The following TVP23C variants were observed in gnomAD, a reference collection of about 807,000 sequenced individuals.
TVP23C encodes trans-golgi network vesicle protein 23 homolog C.
Under a neutral mutation model 28.7 loss-of-function variants are expected in TVP23C, and 19 were observed. The observed-to-expected ratio is 0.66, with a 90% CI of 0.46 to 0.97. The LOEUF is 0.97. Ranked by LOEUF, TVP23C falls within the 50% of genes least tolerant of loss-of-function variation. The pLI is 0.00. For missense variants in TVP23C, 186 were observed against 241.3 expected (o/e 0.77, Z 1.52); for synonymous variants, 68 against 81.7 (o/e 0.83, Z 0.90).
intron 5 of TVP23C, among the ~76,000 whole-genome samples, chr17:15,511,508 C>G (rs1359289231): frequency 6.6e-6 from 1 of 152,180 alleles, no homozygotes; most frequent in Non-Finnish European, 1.5e-5. Flanking sequence ...GAATTTGAAT[C>G]ATTAAGAAAT....
chr17:15,544,117 C>A (rs1248123681), intron 5 of TVP23C, among the ~76,000 whole-genome samples: 1 of 151,318 alleles, frequency 6.6e-6, no homozygotes, highest in Non-Finnish European at 1.5e-5. Context: ...GTTAAGTAAG[C>A]CTGGCCTCAG....
chr17:15,545,964 A>C lies in TVP23C; in HGVS notation c.331-48T>G, dbSNP rs763713248. On this transcript the variant is annotated intron_variant, in intron 4 of 5. Transcript: ENST00000518321. ...TTATCATGTTGTGAAATTTATCAAT[A>C]AAAAGTTCAACATATTTAATAAAAA... 3 of 1,586,242 alleles carry C rather than the reference A, an allele frequency of 1.9e-6. No homozygotes were observed. The South Asian group carries it at 3.4e-5, about 18-fold the overall frequency.
At chr17:15,542,770 C>G (rs1447690736) in intron 5 of TVP23C, among the ~76,000 whole-genome samples, 3 of 152,276 alleles carry the variant, frequency 2.0e-5, no homozygotes, top group South Asian at 4.1e-4. Flanking sequence ...GCCACCATGC[C>G]AAGGTCTTAA....
At chr17:15,558,065 A>C (rs1984213023) in intron 1 of TVP23C, among the ~76,000 whole-genome samples, 1 of 149,390 alleles carries the variant, frequency 6.7e-6, no homozygotes, top group Non-Finnish European at 1.5e-5. Flanking sequence ...AACAAACAAA[A>C]AAAGGCTGAT....
Position 15,506,920 on chromosome 17 carries a change from C to T in TVP23C, c.463-3688G>A, listed in dbSNP as rs11870001. 3.1e-3 allele frequency: 3,321 copies of T among 1,079,488 alleles called. 56 individuals carry two copies. In the African/African-American group the frequency reaches 0.045, roughly 14 times the overall value. 66.9% of individuals were successfully genotyped at this position (1,079,488 alleles called of 1,614,324 possible). ...CGCCATCAACGGGGAGCCCTTGGGCCGCATCTCCTTTGAGCTGTTTGCAAA... is the reference window on the plus strand; with the variant it reads ...CGCCATCAACGGGGAGCCCTTGGGCTGCATCTCCTTTGAGCTGTTTGCAAA... On this transcript the variant is annotated intron_variant, in intron 5 of 5. Transcript: ENST00000225576.
intron 3 of TVP23C, among the ~76,000 whole-genome samples, chr17:15,548,919 T>C (rs1377946527): frequency 6.6e-6 from 1 of 152,228 alleles, no homozygotes; most frequent in African/African-American, 2.4e-5. Context: ...AAAAGTTATG[T>C]GAATGTAGTT....
chr17:15,523,639 A>G (rs966790138), intron 5 of TVP23C, among the ~76,000 whole-genome samples: 1 of 147,496 alleles, frequency 6.8e-6, no homozygotes, highest in Non-Finnish European at 1.5e-5. Flanking sequence ...TTTTTGAGAC[A>G]GTCTCACTCT....
chr17:15,509,994 A>G (rs1446285058), intron 5 of TVP23C, among the ~76,000 whole-genome samples: 1 of 152,254 alleles, frequency 6.6e-6, no homozygotes, highest in Non-Finnish European at 1.5e-5. Context: ...GAACCTGCCA[A>G]TGGGCTATGA....
intron 5 of TVP23C, among the ~76,000 whole-genome samples, chr17:15,517,370 G>A (rs1479929132): frequency 6.6e-6 from 1 of 152,178 alleles, no homozygotes; most frequent in Non-Finnish European, 1.5e-5. Context: ...AGAGAAATGG[G>A]TACTGATCTC....
chr17:15,504,045 G>A (rs1981611705), intron 5 of TVP23C, among the ~76,000 whole-genome samples: 1 of 152,110 alleles, frequency 6.6e-6, no homozygotes, highest in Non-Finnish European at 1.5e-5. Context: ...CCAGTCTCCT[G>A]AGAGCAAGCA....
chr17:15,507,241 T>C, intron 5 of TVP23C: 1 of 737,342 alleles, frequency 1.4e-6, no homozygotes, highest in South Asian at 1.4e-5. Flanking sequence ...AAGCAGGTGG[T>C]CTCTGGCAAG....
chr17:15,523,137 G>C (rs1231474157), intron 5 of TVP23C, among the ~76,000 whole-genome samples: 1 of 150,952 alleles, frequency 6.6e-6, no homozygotes, highest in African/African-American at 2.4e-5. Context: ...GGCCTCCCGA[G>C]TAGCTAGGAC....
downstream of TVP23C, among the ~76,000 whole-genome samples, chr17:15,533,223 T>A (rs1253632851): frequency 6.6e-6 from 1 of 152,236 alleles, no homozygotes; most frequent in Non-Finnish European, 1.5e-5. Flanking sequence ...AACTGTAATG[T>A]AACAGAGAAA....
rs1398089690 is a variant in TVP23C at position 15,540,302 on chromosome 17, A to G, written c.*110T>C. On this transcript the variant is annotated 3_prime_UTR_variant, in exon 6 of 6. Coordinates refer to ENST00000518321, the MANE Select transcript of TVP23C (RefSeq NM_001135036.2). ...TTGAACACCCCCAAAGAGCAATTACAACATCTTTATCATTATATTTATACA... is the reference window on the plus strand; with the variant it reads ...TTGAACACCCCCAAAGAGCAATTACGACATCTTTATCATTATATTTATACA... The G allele has an allele frequency of 1.7e-5, 23 of 1,369,042 alleles. No homozygotes were observed. In the East Asian group the frequency reaches 2.0e-4, roughly 12 times the overall value. 84.8% of individuals were successfully genotyped at this position (1,369,042 alleles called of 1,614,324 possible).
chr17:15,554,396 C>A (rs1984037087), intron 2 of TVP23C, among the ~76,000 whole-genome samples: 1 of 151,824 alleles, frequency 6.6e-6, no homozygotes, highest in African/African-American at 2.4e-5. Flanking sequence ...TGCCACCACG[C>A]CCGGCTAATT....
intron 5 of TVP23C, among the ~76,000 whole-genome samples, chr17:15,511,923 T>C (rs189982500): frequency 6.6e-6 from 1 of 152,304 alleles, no homozygotes; most frequent in Non-Finnish European, 1.5e-5. Context: ...GCCAGGAAGA[T>C]TCAAGGAATT....
intron 5 of TVP23C, among the ~76,000 whole-genome samples, chr17:15,544,047 A>G (rs2150851424): frequency 6.6e-6 from 1 of 152,252 alleles, no homozygotes; most frequent in South Asian, 2.1e-4. Context: ...AGATAAATAC[A>G]AATACATCTG....
chr17:15,547,461 G>A (rs1241353726), intron 3 of TVP23C, among the ~76,000 whole-genome samples: 2 of 151,890 alleles, frequency 1.3e-5, no homozygotes, highest in Non-Finnish European at 2.9e-5. Flanking sequence ...TTGCTATTTG[G>A]TTACTGTGAC....
At chr17:15,549,532 C>T (rs976273287) in intron 3 of TVP23C, among the ~76,000 whole-genome samples, 2 of 151,924 alleles carry the variant, frequency 1.3e-5, no homozygotes, top group Admixed American at 6.6e-5. Context: ...TACAAAAATT[C>T]GCTAGGGATG....
Sources: allele counts gnomAD v4.1 joint callset (sites outside exome capture counted in the v4.1 genomes callset), GRCh38; gene constraint gnomAD v4.1.1; transcripts MANE v1.5; gene names NCBI Gene and HGNC (gene_info 2026-07-23, HGNC 2026-07-21).